The following NXN variants were observed in gnomAD, a reference collection of about 807,000 sequenced individuals.
NXN encodes the protein nucleoredoxin.
Under a neutral mutation model 48.6 loss-of-function variants are expected in NXN, and 16 were observed. The observed-to-expected ratio is 0.33, with a 90% CI of 0.22 to 0.50. NXN has a LOEUF of 0.50. Among genes scored for constraint, NXN ranks in the 20% least tolerant of loss-of-function variants. The pLI is 0.98. For missense variants in NXN, 492 were observed against 605.5 expected (o/e 0.81, Z 1.97); for synonymous variants, 281 against 269.6 (o/e 1.04, Z -0.41).
At chr17:933,795 T>C (rs2068878152) in intron 1 of NXN, among the ~76,000 whole-genome samples, 1 of 152,138 alleles carries the variant, frequency 6.6e-6, no homozygotes, top group Non-Finnish European at 1.5e-5. Flanking sequence ...ACTTTAGAAA[T>C]GTGCCTTCGT....
At chr17:846,363 G>A (rs1016647960) in intron 1 of NXN, among the ~76,000 whole-genome samples, 2 of 143,026 alleles carry the variant, frequency 1.4e-5, no homozygotes, top group African/African-American at 5.3e-5. Flanking sequence ...GTTGCAGTGA[G>A]CCAAGATCGT....
intron 5 of NXN, among the ~76,000 whole-genome samples, chr17:810,489 G>T (rs1014441024): frequency 6.6e-6 from 1 of 152,226 alleles, no homozygotes; most frequent in Non-Finnish European, 1.5e-5. Flanking sequence ...AAAGGCCGTG[G>T]GGGTGAGATG....
At chr17:882,207 C>T (rs905016287) in intron 1 of NXN, among the ~76,000 whole-genome samples, 1 of 152,210 alleles carries the variant, frequency 6.6e-6, no homozygotes, top group African/African-American at 2.4e-5. Context: ...GTGCTGCCTC[C>T]TGAGCACGGC....
At chr17:890,725 A>C (rs990757474) in intron 1 of NXN, among the ~76,000 whole-genome samples, 1 of 152,062 alleles carries the variant, frequency 6.6e-6, no homozygotes, top group Non-Finnish European at 1.5e-5. Context: ...TTCTGGTTAC[A>C]TCTGGGGTTT....
intron 1 of NXN, among the ~76,000 whole-genome samples, chr17:837,639 T>C (rs1244157373): frequency 6.6e-6 from 1 of 152,112 alleles, no homozygotes; most frequent in Non-Finnish European, 1.5e-5. Context: ...GCAGAAGAAA[T>C]GATTCGAATC....
At chr17:882,912 G>GCGCCCA (rs1567847287) in intron 1 of NXN, among the ~76,000 whole-genome samples, 1 of 151,654 alleles carries the variant, frequency 6.6e-6, no homozygotes, top group African/African-American at 2.4e-5. Flanking sequence ...ACAGGCGCCC[G>GCGCCCA]CCACCACGCC....
chr17:946,521 C>T (rs1300072780), intron 1 of NXN, among the ~76,000 whole-genome samples: 1 of 152,192 alleles, frequency 6.6e-6, no homozygotes, highest in Non-Finnish European at 1.5e-5. Flanking sequence ...TCAACTCTCC[C>T]TCTTGCAAGA....
At chr17:824,883 C>A (rs914711528) in intron 2 of NXN, among the ~76,000 whole-genome samples, 6 of 152,230 alleles carry the variant, frequency 3.9e-5, no homozygotes, top group Non-Finnish European at 7.4e-5. Context: ...TGCAGGTGGT[C>A]GGGCCTCCCC....
chr17:975,259 G>C (rs1001948332), intron 1 of NXN, among the ~76,000 whole-genome samples: 4 of 152,188 alleles, frequency 2.6e-5, no homozygotes, highest in African/African-American at 9.7e-5. Flanking sequence ...TTTCAAATCT[G>C]CACCTTTTTG....
intron 1 of NXN, among the ~76,000 whole-genome samples, chr17:927,437 C>T (rs113592425): frequency 0.01 from 1,595 of 151,928 alleles, 29 homozygotes; most frequent in African/African-American, 0.033. Flanking sequence ...GGCGAAACCC[C>T]GTCTCCACAG....
intron 1 of NXN, among the ~76,000 whole-genome samples, chr17:890,299 T>A (rs1321310703): frequency 6.6e-6 from 1 of 152,228 alleles, no homozygotes; most frequent in Non-Finnish European, 1.5e-5. Context: ...TTGTTTTATA[T>A]GCCTCAGTTG....
chr17:872,452 G>A (rs569998046), intron 1 of NXN, among the ~76,000 whole-genome samples: 8 of 151,858 alleles, frequency 5.3e-5, no homozygotes, highest in African/African-American at 7.3e-5. Context: ...GAGAGAAAGA[G>A]AGAAACACAT....
chr17:901,273 A>G (rs1189048701), intron 1 of NXN, among the ~76,000 whole-genome samples: 3 of 152,022 alleles, frequency 2.0e-5, no homozygotes, highest in African/African-American at 7.3e-5. Flanking sequence ...CCTCAACGTC[A>G]CCCTCTGCAA....
At position 914,464 on chromosome 17, in the gene NXN, C is replaced by CCGG. The variant is rs1389574799; in HGVS notation, c.360+64852_360+64854dup. On this transcript the variant is annotated intron_variant, in intron 1 of 7. Coordinates refer to ENST00000336868, the MANE Select transcript of NXN (RefSeq NM_022463.5). ...GTATTACAGGCACAAGCTACCACGC[C>CCGG]CGGCCAGAAGGAAGATTCTTTTTAA... Among the ~76,000 whole-genome samples, 3 of 152,298 alleles carry CCGG rather than the reference C, an allele frequency of 2.0e-5. 1 individual carries two copies. The East Asian group carries it at 5.8e-4, about 29-fold the overall frequency.
intron 1 of NXN, among the ~76,000 whole-genome samples, chr17:886,810 T>C (rs2144853694): frequency 6.6e-6 from 1 of 152,162 alleles, no homozygotes; most frequent in Non-Finnish European, 1.5e-5. Flanking sequence ...TAATACCTCT[T>C]ACTACACTGG....
At chr17:812,731 G>T (rs1253071859) in intron 5 of NXN, among the ~76,000 whole-genome samples, 1 of 143,214 alleles carries the variant, frequency 7.0e-6, no homozygotes, top group Non-Finnish European at 1.5e-5. Context: ...GGGTGTGTGA[G>T]TGTAGGGTGC....
intron 1 of NXN, among the ~76,000 whole-genome samples, chr17:898,080 C>T (rs1013202363): frequency 2.0e-4 from 30 of 152,330 alleles, no homozygotes; most frequent in African/African-American, 6.7e-4. Context: ...AACTACCCAC[C>T]TACTGCTGTG....
rs181957640 is a variant in NXN, at chr17:830,648, G to A, written c.361-4570C>T. 4.6e-5 allele frequency among the ~76,000 whole-genome samples: 7 copies of A among 152,278 alleles called. No homozygotes were observed. In the East Asian group the frequency reaches 1.2e-3, roughly 25 times the overall value. On this transcript the variant is annotated intron_variant, in intron 1 of 7. Transcript: ENST00000336868. The surrounding 1 kb of genome is among the most constrained non-coding windows in gnomAD (Gnocchi z 4.2). ...TTGTGAACCACATCGTCAAGGCCCC[G>A]TGGACGACAGCAAAAATAACAGGTC...
chr17:925,184 A>G (rs1418929104), intron 1 of NXN, among the ~76,000 whole-genome samples: 1 of 152,206 alleles, frequency 6.6e-6, no homozygotes, highest in African/African-American at 2.4e-5. Flanking sequence ...GAAAGGAGAT[A>G]CAGAGACTTA....
Sources: gnomAD v4.1 joint callset for allele counts (sites outside exome capture counted in the v4.1 genomes callset) on GRCh38, gnomAD v4.1.1 for gene constraint, Gnocchi (gnomAD v3.1) non-coding constraint, MANE v1.5 for transcripts, NCBI Gene and HGNC (gene_info 2026-07-23, HGNC 2026-07-21) for gene names.